The following CELF3 variants were observed in gnomAD, a reference collection of about 807,000 sequenced individuals.
CELF3 encodes the protein CAG repeat domain.
A neutral mutation model predicts 59.6 loss-of-function variants in CELF3; 26 were observed. The ratio of observed to expected loss-of-function variants is 0.44; its 90% confidence interval spans 0.32 to 0.61. CELF3 has a LOEUF of 0.61. CELF3 is among the 20% of genes least tolerant of loss of function. CELF3 has a pLI of 0.06. For synonymous variants in CELF3, 245 were observed against 250.7 expected, an observed-to-expected ratio of 0.98 and a Z score of 0.22; for missense variants, 387 against 627.2, an observed-to-expected ratio of 0.62 and a Z score of 4.09.
chr1:151,709,352 G>A lies in CELF3; in HGVS notation c.278-4C>T. ...CCCACAAAGAGCTTCCGGTCTTCTG[G>A]GTGGTAGGGCACAGGAGGAGGGCAT... On this transcript the variant is annotated splice_region_variant and splice_polypyrimidine_tract_variant and intron_variant, in intron 3 of 12. Coordinates refer to ENST00000290583, the MANE Select transcript of CELF3 (RefSeq NM_007185.7). The surrounding 1 kb of genome is among the most constrained non-coding windows in gnomAD (Gnocchi z 4.9). The A allele has an allele frequency of 6.2e-7, 1 of 1,613,990 alleles. No homozygotes were observed. Among genetic ancestry groups the A allele is most frequent in the Non-Finnish European group, 8.5e-7 (1 of 1,179,930 alleles).
At position 151,716,100 on chromosome 1, in the gene CELF3, G is replaced by A; in HGVS notation, c.-80C>T. ...GGGGAGCTGCCCAGCAAGGAGATAA[G>A]TGGTGGGGCCCGGGGGCCCAGCTGG... On this transcript the variant is annotated 5_prime_UTR_variant, in exon 1 of 13. Transcript: ENST00000290583. The A allele has an allele frequency of 6.9e-7, 1 of 1,450,574 alleles. No homozygotes were observed. The highest frequency in any genetic ancestry group is 2.3e-5 in the East Asian group (1 of 42,972). The allele number at this position is 1,450,574 out of a possible 1,614,324, so 89.9% of individuals were successfully genotyped here. A position where few individuals can be genotyped will look rare whatever the true frequency, so the allele number is the denominator to read the frequency against.
chr1:151,708,930 C>A, intron 5 of CELF3, 68 bp downstream of exon 5: 1 of 1,445,868 alleles, frequency 6.9e-7, no homozygotes. Context: ...GACTGCTTCT[C>A]TGGGCCAGGG....
intron 1 of CELF3, 31 bp downstream of exon 1, chr1:151,715,845 C>G (rs372291437): frequency 1.2e-6 from 2 of 1,602,796 alleles, no homozygotes; most frequent in African/African-American, 1.3e-5. Flanking sequence ...CAGCCCACCC[C>G]GAAGCCTCTT....
Position 151,706,254 on chromosome 1 carries a change from G to A in CELF3, c.1096C>T (p.Gln366Ter). 1 of 1,588,026 alleles carries A rather than the reference G, an allele frequency of 6.3e-7. No individual in the cohort carries two copies. Among genetic ancestry groups the A allele is most frequent in the Non-Finnish European group, 8.6e-7 (1 of 1,167,594 alleles). ...CTTTGCTGCTGCTGCTGTTGCTGCT[G>A]CTGCTGCTGCTGCTGCTGTTGAGGT... is the stretch of plus-strand genomic sequence containing the variant. Reference protein sequence around the residue: ...PPPQQQQQQQQQQQQQQQREG... With the variant: ...PPPQQQQQQQ The change falls in exon 10 of 13, where the codon CAG (glutamine) becomes TAG (stop). Residue 366 changes from glutamine to a stop codon, truncating the protein, a stop_gained. Transcript: ENST00000290583. LOFTEE classifies it high-confidence loss of function.
At chr1:151,706,805 C>T (rs1672588470) in intron 8 of CELF3, 71 bp from the exon 9 acceptor site, 11 of 1,265,606 alleles carry the variant, frequency 8.7e-6, no homozygotes, top group Non-Finnish European at 1.1e-5. Flanking sequence ...CTCTCTGGGC[C>T]TCTGGGCCGA....
Position 151,703,272 on chromosome 1 carries a change from G to C in CELF3, c.*187C>G, listed in dbSNP as rs1333975045. On this transcript the variant is annotated 3_prime_UTR_variant, in exon 13 of 13. Transcript: ENST00000290583. ...GGGCCCTTGGAGCCAGGGAAGCATA[G>C]CCATGGCCCTTCAGAGAGGCAGGGG... is the stretch of plus-strand genomic sequence containing the variant. 2.2e-6 allele frequency: 1 copy of C among 457,120 alleles called. No homozygotes were observed. The highest frequency in any genetic ancestry group is 4.4e-6 in the Non-Finnish European group (1 of 227,224). The allele number at this position is 457,120 out of a possible 1,614,324, so 28.3% of individuals were successfully genotyped here.
intron 12 of CELF3, 74 bp downstream of exon 12, chr1:151,704,957 G>A (rs1315557642): frequency 1.0e-5 from 15 of 1,488,114 alleles, no homozygotes; most frequent in Non-Finnish European, 1.1e-5. Context: ...AGGGGTTGGG[G>A]GTGTAGTCCA....
chr1:151,713,288 C>A (rs944981680), intron 2 of CELF3, among the ~76,000 whole-genome samples: 3 of 152,206 alleles, frequency 2.0e-5, no homozygotes, highest in Admixed American at 6.5e-5. Flanking sequence ...CTCTCCACAC[C>A]CAGGATGGAG....
chr1:151,701,081 CAG>C lies in CELF3; in HGVS notation c.*2376_*2377del. The C allele has an allele frequency of 6.6e-6, 1 of 152,330 alleles. No homozygotes were observed. Among genetic ancestry groups the C allele is most frequent in the South Asian group, 2.1e-4 (1 of 4,826 alleles). 9.4% of individuals were successfully genotyped at this position (152,330 alleles called of 1,614,324 possible). ...GAGAGCAGGAAAAGAAACATGGAGACAGATGAGAGCAATGTGACGTGGACAGT... is the reference window on the plus strand; with the variant it reads ...GAGAGCAGGAAAAGAAACATGGAGACATGAGAGCAATGTGACGTGGACAGT... On this transcript the variant is annotated 3_prime_UTR_variant, in exon 13 of 13. Coordinates refer to ENST00000290583, the MANE Select transcript of CELF3 (RefSeq NM_007185.7).
In CELF3 at chr1:151,703,236, T is replaced by C. The variant is rs745956895; in HGVS notation, c.*223A>G. The stretch of plus-strand genomic sequence containing the variant: ...CCCTCACAAAGGCCAAAAGGGCATC[T>C]AGGAGGAAATGGGCCCTTGGAGCCA... On this transcript the variant is annotated 3_prime_UTR_variant, in exon 13 of 13. Transcript: ENST00000290583. 4.4e-6 allele frequency: 2 copies of C among 456,988 alleles called. No individual in the cohort carries two copies. The highest frequency in any genetic ancestry group is 8.8e-6 in the Non-Finnish European group (2 of 227,396). The allele number at this position is 456,988 out of a possible 1,614,324, so 28.3% of individuals were successfully genotyped here. A position where few individuals can be genotyped will look rare whatever the true frequency, so the allele number is the denominator to read the frequency against.
Position 151,716,053 on chromosome 1 carries a change from C to A in CELF3, c.-33G>T. 2 of 1,581,834 alleles carry A rather than the reference C, an allele frequency of 1.3e-6. No homozygotes were observed. The highest frequency in any genetic ancestry group is 1.2e-5 in the South Asian group (1 of 85,406). On this transcript the variant is annotated 5_prime_UTR_variant, in exon 1 of 13. Coordinates refer to ENST00000290583, the MANE Select transcript of CELF3 (RefSeq NM_007185.7). ...GCCCAGGAGGAGGGGCCGAGGGGAG[C>A]AGGGAGAGGCCCAAAGGCCAAGGGG... is the stretch of plus-strand genomic sequence containing the variant.
At chr1:151,703,914 C>T (rs866628485) in intron 12 of CELF3, among the ~76,000 whole-genome samples, 1 of 152,142 alleles carries the variant, frequency 6.6e-6, no homozygotes, top group South Asian at 2.1e-4. Flanking sequence ...ACCCCCGGCC[C>T]CCAGTTAGTG....
chr1:151,703,736 G>C (rs942860857), intron 12 of CELF3, among the ~76,000 whole-genome samples: 15 of 152,066 alleles, frequency 9.9e-5, no homozygotes, highest in Non-Finnish European at 1.9e-4. Context: ...GAGGGGGAGA[G>C]AGGCAAAGAG....
At chr1:151,706,150 C>T in intron 10 of CELF3, 74 bp downstream of exon 10, 1 of 1,609,298 alleles carries the variant, frequency 6.2e-7, no homozygotes. Context: ...AAGAGCTGGG[C>T]TCAGCGCGGG....
At position 151,707,142 on chromosome 1, in the gene CELF3, C is replaced by A; in HGVS notation, c.922+3G>T. ...GACGGAGTGGGCAGGCAGAGAGTCC[C>A]ACCTGGGTAGGGGTGAACCCCGTTG... On this transcript the variant is annotated splice_donor_region_variant and intron_variant, in intron 8 of 12. Coordinates refer to ENST00000290583, the MANE Select transcript of CELF3 (RefSeq NM_007185.7). 1 of 1,486,082 alleles carries A rather than the reference C, an allele frequency of 6.7e-7. No individual in the cohort carries two copies. Among genetic ancestry groups the A allele is most frequent in the South Asian group, 1.4e-5 (1 of 70,860 alleles). The allele number at this position is 1,486,082 out of a possible 1,614,324, so 92.1% of individuals were successfully genotyped here. A position where few individuals can be genotyped will look rare whatever the true frequency, so the allele number is the denominator to read the frequency against.
At chr1:151,711,025 A>G (rs536495045) in intron 2 of CELF3, 25 of 365,296 alleles carry the variant, frequency 6.8e-5, no homozygotes, top group South Asian at 4.5e-4. Flanking sequence ...TTAAACCTCA[A>G]TTTACATTCT....
rs1159791030 is a variant in CELF3, at chr1:151,709,025, G to A, written c.459C>T (p.Asn153=). ...QTHAEAQAAI[N]TLHSSRTLPG... is the part of the protein sequence containing the mutation. ...GCAGGGTCCGGCTGCTGTGAAGGGT[G>A]TTGATGGCCGCCTGGGCCTCAGCGT... is the stretch of plus-strand genomic sequence containing the variant. Residue 153 remains asparagine, a synonymous_variant, in exon 5 of 13, where the codon AAC becomes AAT. Coordinates refer to ENST00000290583, the MANE Select transcript of CELF3 (RefSeq NM_007185.7). This position sits in a 1 kb window ranked among gnomAD's most constrained non-coding sequence, Gnocchi z 4.9. 1 of 1,614,010 alleles carries A rather than the reference G, an allele frequency of 6.2e-7. No individual in the cohort carries two copies. Among genetic ancestry groups the A allele is most frequent in the Non-Finnish European group, 8.5e-7 (1 of 1,179,984 alleles).
In CELF3 at chr1:151,700,434, G is replaced by T. The variant is rs529266660; in HGVS notation, c.*3025C>A. On this transcript the variant is annotated 3_prime_UTR_variant, in exon 13 of 13. Coordinates refer to ENST00000290583, the MANE Select transcript of CELF3 (RefSeq NM_007185.7). ...GGGAATGAAAAGACATGGGAGAAAA[G>T]GGACCAAACTTGCCTAGAGAACAAT... Among the ~76,000 whole-genome samples the T allele has an allele frequency of 7.2e-5, 11 of 152,342 alleles. No individual in the cohort carries two copies. The highest frequency in any genetic ancestry group is 2.4e-4 in the African/African-American group (10 of 41,574).
At chr1:151,703,476 A>AT (rs566280202) in intron 12 of CELF3, 28 bp from the exon 13 acceptor site, 227 of 327,252 alleles carry the variant, frequency 6.9e-4, no homozygotes, top group African/African-American at 4.8e-3. Flanking sequence ...TGGGTGAAGC[A>AT]TGGGGAAGAG....
Sources: gnomAD v4.1 joint callset for allele counts (sites outside exome capture counted in the v4.1 genomes callset) on GRCh38, gnomAD v4.1.1 for gene constraint, Gnocchi (gnomAD v3.1) non-coding constraint, MANE v1.5 for transcripts, NCBI Gene and HGNC (gene_info 2026-07-23, HGNC 2026-07-21) for gene names.